Variants in CRPPA observed in about 807,000 individuals in gnomAD.
CRPPA encodes CDP-L-ribitol pyrophosphorylase A, also known as D-ribitol-5-phosphate cytidylyltransferase.
In CRPPA, 43 loss-of-function variants were observed where a neutral mutation model predicts 52.0. The observed-to-expected ratio is 0.83, with a 90% CI of 0.65 to 1.07. The LOEUF is 1.07. CRPPA is among the 50% of genes least tolerant of loss of function. CRPPA has a pLI of 0.00. For synonymous variants in CRPPA, 250 were observed against 203.5 expected (o/e 1.23, Z -1.94); for missense variants, 629 against 551.7 (o/e 1.14, Z -1.40).
intron 9 of CRPPA, among the ~76,000 whole-genome samples, chr7:16,188,569 A>T (rs528854643): frequency 1.3e-5 from 2 of 152,160 alleles, no homozygotes; most frequent in Non-Finnish European, 2.9e-5. Context: ...GAGATTGGAC[A>T]TACAACAGAA....
chr7:16,187,166 G>A (rs1483788581), intron 9 of CRPPA, among the ~76,000 whole-genome samples: 5 of 152,126 alleles, frequency 3.3e-5, no homozygotes, highest in Non-Finnish European at 4.4e-5. Flanking sequence ...CTTTCCTCAA[G>A]TATTACCCCC....
At chr7:16,208,872 A>T in intron 9 of CRPPA, 1 of 209,100 alleles carries the variant, frequency 4.8e-6, no homozygotes, top group Non-Finnish European at 9.9e-6. Flanking sequence ...CACTTAGAAA[A>T]TAAGCTGGAT....
intron 8 of CRPPA, among the ~76,000 whole-genome samples, chr7:16,224,234 A>G (rs1420157840): frequency 6.6e-6 from 1 of 152,140 alleles, no homozygotes; most frequent in Non-Finnish European, 1.5e-5. Flanking sequence ...AATTCATTTA[A>G]TATATTCCTG....
intron 3 of CRPPA, among the ~76,000 whole-genome samples, chr7:16,373,496 C>A (rs1786803202): frequency 6.6e-6 from 1 of 152,156 alleles, no homozygotes; most frequent in Admixed American, 6.5e-5. Context: ...TCCCTGCCTT[C>A]ACAGGGCTCA....
In CRPPA at chr7:16,171,158, G is replaced by C. The variant is rs143014895; in HGVS notation, c.1251+44908C>G. Among the ~76,000 whole-genome samples the C allele has an allele frequency of 2.4e-3, 358 of 152,314 alleles. 2 individuals carry two copies. The highest frequency in any genetic ancestry group is 8.3e-3 in the African/African-American group (344 of 41,564). ...ATCTTGTGAAAATTATTAAAGGATAGATTTTTGGCAGAAAGACATTATTTT... is the reference window on the plus strand; with the variant it reads ...ATCTTGTGAAAATTATTAAAGGATACATTTTTGGCAGAAAGACATTATTTT... On this transcript the variant is annotated intron_variant, in intron 9 of 9. Coordinates refer to ENST00000407010, the MANE Select transcript of CRPPA (RefSeq NM_001101426.4).
rs1193683618 is a variant in CRPPA, at chr7:16,293,257, A to T, written c.835+8164T>A. Among the ~76,000 whole-genome samples the T allele has an allele frequency of 2.0e-5, 3 of 152,050 alleles. No homozygotes were observed. The East Asian group carries it at 5.8e-4, about 29-fold the overall frequency. ...TCGAGCCTCATGGTCCACTGTACTG[A>T]CCTCTTGAGTCAAAGTTAGATGTGC... is the stretch of plus-strand genomic sequence containing the variant. On this transcript the variant is annotated intron_variant, in intron 5 of 9. Transcript: ENST00000407010.
chr7:16,249,418 C>T (rs546294643), intron 8 of CRPPA, among the ~76,000 whole-genome samples: 13 of 152,286 alleles, frequency 8.5e-5, no homozygotes, highest in Middle Eastern at 3.4e-3. Flanking sequence ...CCCTGACACC[C>T]GCGTAGCCTG....
In CRPPA at chr7:16,122,323, A is replaced by G. The variant is rs539221132; in HGVS notation, c.1252-30524T>C. 1.4e-3 allele frequency among the ~76,000 whole-genome samples: 219 copies of G among 152,200 alleles called. 2 individuals are homozygous for G. Among genetic ancestry groups the G allele is most frequent in the African/African-American group, 4.9e-3 (205 of 41,582 alleles). ...ATAATTAAAATACTAGCAAAGAGCAATAATAATTACAAGAAAGAAAGAGTC... is the reference window on the plus strand; with the variant it reads ...ATAATTAAAATACTAGCAAAGAGCAGTAATAATTACAAGAAAGAAAGAGTC... On this transcript the variant is annotated intron_variant, in intron 9 of 9. Coordinates refer to ENST00000407010, the MANE Select transcript of CRPPA (RefSeq NM_001101426.4).
chr7:16,385,958 G>A (rs1787257717), intron 2 of CRPPA, among the ~76,000 whole-genome samples: 1 of 152,218 alleles, frequency 6.6e-6, no homozygotes, highest in Non-Finnish European at 1.5e-5. Context: ...TAAAGCCCCA[G>A]TGGGCATGCA....
chr7:16,367,965 C>T (rs750276074), intron 3 of CRPPA, among the ~76,000 whole-genome samples: 5 of 152,082 alleles, frequency 3.3e-5, no homozygotes, highest in Non-Finnish European at 7.4e-5. Context: ...CTGAATCCTG[C>T]TGTATCTTTC....
At chr7:16,405,871 C>CAT (rs1787939730) in intron 2 of CRPPA, among the ~76,000 whole-genome samples, 190 bp downstream of exon 2, 2 of 152,142 alleles carry the variant, frequency 1.3e-5, no homozygotes, top group South Asian at 4.1e-4. Context: ...TGGTAGATGA[C>CAT]TATAGCAAAA....
At chr7:16,339,539 A>G (rs1785769459) in intron 3 of CRPPA, among the ~76,000 whole-genome samples, 1 of 152,168 alleles carries the variant, frequency 6.6e-6, no homozygotes, top group South Asian at 2.1e-4. Flanking sequence ...AATAAAGGAA[A>G]CTTTTTCAAC....
chr7:16,412,379 T>C (rs1490291323), intron 1 of CRPPA, among the ~76,000 whole-genome samples: 1 of 152,186 alleles, frequency 6.6e-6, no homozygotes, highest in Non-Finnish European at 1.5e-5. Flanking sequence ...TGCGTGAGTA[T>C]ATAAGTAAAT....
chr7:16,295,751 T>C (rs1784658852), intron 5 of CRPPA, among the ~76,000 whole-genome samples: 1 of 152,118 alleles, frequency 6.6e-6, no homozygotes, highest in South Asian at 2.1e-4. Flanking sequence ...ATGTTACCAC[T>C]GGCATCTGTT....
In CRPPA at chr7:16,331,062, C is replaced by T. The variant is rs1583525202; in HGVS notation, c.685-22435G>A. 2.0e-5 allele frequency among the ~76,000 whole-genome samples: 3 copies of T among 152,280 alleles called. No homozygotes were observed. The East Asian group carries it at 5.8e-4, about 30-fold the overall frequency. On this transcript the variant is annotated intron_variant, in intron 3 of 9. Coordinates refer to ENST00000407010, the MANE Select transcript of CRPPA (RefSeq NM_001101426.4). ...ACGCCCAGGCTGGAGTGCAGGGGCG[C>T]CATCTCGGCTCACTGCAAACTCTGC...
At chr7:16,228,060 A>G (rs984616578) in intron 8 of CRPPA, among the ~76,000 whole-genome samples, 2 of 151,706 alleles carry the variant, frequency 1.3e-5, no homozygotes, top group Non-Finnish European at 3.0e-5. Flanking sequence ...TAAACATGGG[A>G]TTTATGGGCA....
chr7:16,311,243 G>A lies in CRPPA; in HGVS notation c.685-2616C>T, dbSNP rs143099181. 3.3e-5 allele frequency among the ~76,000 whole-genome samples: 5 copies of A among 152,192 alleles called. No homozygotes were observed. In the East Asian group the frequency reaches 9.7e-4, roughly 29 times the overall value. ...ATGCATTGTATTATACATTCTATGA[G>A]TTTTCACAAATGTACAATGATATAC... On this transcript the variant is annotated intron_variant, in intron 3 of 9. Coordinates refer to ENST00000407010, the MANE Select transcript of CRPPA (RefSeq NM_001101426.4).
In CRPPA at chr7:16,288,770, G is replaced by A. The variant is rs1004703471; in HGVS notation, c.836-10544C>T. Among the ~76,000 whole-genome samples, 3 of 143,948 alleles carry A rather than the reference G, an allele frequency of 2.1e-5. No individual in the cohort carries two copies. In the Admixed American group the frequency reaches 2.2e-4, roughly 10 times the overall value. The allele number at this position is 143,948 out of a possible 152,430, so 94.4% of individuals were successfully genotyped here. On this transcript the variant is annotated intron_variant, in intron 5 of 9. Coordinates refer to ENST00000407010, the MANE Select transcript of CRPPA (RefSeq NM_001101426.4). ...GCTGAGGTAGGAAATTGCTTCAACC[G>A]GGGAAGAGGAGGTTACAGTGAGCTG...
chr7:16,091,878 A>G (rs1781845439), intron 9 of CRPPA, 79 bp from the exon 10 acceptor site: 2 of 793,878 alleles, frequency 2.5e-6, no homozygotes, highest in African/African-American at 3.7e-5. Context: ...GCCACTTTTC[A>G]AGATCTGCTG....
Sources: gnomAD v4.1 joint callset for allele counts (sites outside exome capture counted in the v4.1 genomes callset) on GRCh38, gnomAD v4.1.1 for gene constraint, MANE v1.5 for transcripts, NCBI Gene and HGNC (gene_info 2026-07-23, HGNC 2026-07-21) for gene names.